KLHL7: variants seen among roughly 807,000 people sequenced by gnomAD.
The protein encoded by KLHL7 is kelch like family member 7.
In KLHL7, 44 loss-of-function variants were observed where a neutral mutation model predicts 67.4. The observed-to-expected ratio is 0.65, with a 90% CI of 0.51 to 0.84. KLHL7 has a LOEUF of 0.84. KLHL7 is among the 40% of genes least tolerant of loss of function. The pLI, the probability that KLHL7 is intolerant of heterozygous loss-of-function variation, is 0.00. For missense variants in KLHL7, 362 were observed against 718.1 expected (o/e 0.50, Z 5.67); for synonymous variants, 252 against 243.3 (o/e 1.04, Z -0.33).
At position 23,125,176 on chromosome 7, in the gene KLHL7, A is replaced by G; in HGVS notation, c.442+4A>G. 6.2e-7 allele frequency: 1 copy of G among 1,612,846 alleles called. No individual in the cohort carries two copies. The highest frequency in any genetic ancestry group is 8.5e-7 in the Non-Finnish European group (1 of 1,179,192). On this transcript the variant is annotated splice_donor_region_variant and intron_variant, in intron 4 of 10. Coordinates refer to ENST00000339077, the MANE Select transcript of KLHL7 (RefSeq NM_001031710.3). Reference sequence around the variant, plus strand: ...GTTGATGCTTCAAATTGTCTTGGTAAGAAATATCAGATTCCTGTTGTGTGT... The same window carrying G: ...GTTGATGCTTCAAATTGTCTTGGTAGGAAATATCAGATTCCTGTTGTGTGT...
chr7:23,111,166 C>T (rs746333637), intron 1 of KLHL7, among the ~76,000 whole-genome samples: 2 of 152,078 alleles, frequency 1.3e-5, no homozygotes, highest in Non-Finnish European at 2.9e-5. Flanking sequence ...ATTTGACCAT[C>T]AGGAAGTTTT....
At chr7:23,141,160 C>T (rs1479779820) in intron 5 of KLHL7, among the ~76,000 whole-genome samples, 1 of 152,158 alleles carries the variant, frequency 6.6e-6, no homozygotes, top group Non-Finnish European at 1.5e-5. Context: ...CCATGGTAGG[C>T]AGAACAATGC....
At chr7:23,115,627 T>G (rs1273231945) in intron 1 of KLHL7, among the ~76,000 whole-genome samples, 1 of 151,946 alleles carries the variant, frequency 6.6e-6, no homozygotes, top group Non-Finnish European at 1.5e-5. Context: ...CCCTGCAACC[T>G]CTGCCTCCCA....
chr7:23,125,729 C>T, intron 4 of KLHL7: 1 of 1,461,122 alleles, frequency 6.8e-7, no homozygotes, highest in Admixed American at 2.6e-5. Context: ...CATTTTGAAG[C>T]TATTAATAAA....
At chr7:23,158,643 A>G (rs1256739335) in intron 7 of KLHL7, among the ~76,000 whole-genome samples, 5 of 152,176 alleles carry the variant, frequency 3.3e-5, no homozygotes, top group Non-Finnish European at 7.3e-5. Flanking sequence ...GCATATATTC[A>G]TGGTTCATAT....
chr7:23,156,472 G>T (rs531191172), intron 7 of KLHL7, among the ~76,000 whole-genome samples: 2 of 152,292 alleles, frequency 1.3e-5, no homozygotes, highest in East Asian at 3.9e-4. Context: ...ACATGGTAAT[G>T]TCTTACGATA....
intron 9 of KLHL7, among the ~76,000 whole-genome samples, chr7:23,170,985 G>A (rs1371482246): frequency 6.9e-6 from 1 of 144,010 alleles, no homozygotes; most frequent in African/African-American, 2.6e-5. Context: ...TCAGCTCACT[G>A]CAACTTCTGC....
chr7:23,157,269 G>A (rs552853906), intron 7 of KLHL7, among the ~76,000 whole-genome samples: 10 of 152,338 alleles, frequency 6.6e-5, no homozygotes, highest in African/African-American at 2.4e-4. Flanking sequence ...CTGCTACAAT[G>A]ATCAGAAGCA....
Position 23,105,905 on chromosome 7 carries a change from G to C in KLHL7, c.-122G>C. On this transcript the variant is annotated 5_prime_UTR_variant, in exon 1 of 11. Transcript: ENST00000339077. ...ACCGCCGCCTGCCGCGCGTTCCAGA[G>C]CTGGGCGCTGCAGCTGCACTGCCGA... 6.9e-7 allele frequency: 1 copy of C among 1,457,486 alleles called. No homozygotes were observed. Among genetic ancestry groups the C allele is most frequent in the Non-Finnish European group, 9.3e-7 (1 of 1,077,028 alleles). The allele number at this position is 1,457,486 out of a possible 1,614,324, so 90.3% of individuals were successfully genotyped here. A position where few individuals can be genotyped will look rare whatever the true frequency, so the allele number is the denominator to read the frequency against.
At chr7:23,134,702 T>A (rs1431768001) in intron 4 of KLHL7, among the ~76,000 whole-genome samples, 1 of 152,176 alleles carries the variant, frequency 6.6e-6, no homozygotes, top group East Asian at 1.9e-4. Context: ...TATCTAGAAA[T>A]TTGCTCATTC....
rs1372238154 is a variant in KLHL7, at chr7:23,131,125, G to C, written c.442+5953G>C. ...CGAATCATTTTAGATTTCTTAGTGG[G>C]GCAACAAGGATGCATGCTTATGTAC... On this transcript the variant is annotated intron_variant, in intron 4 of 10. Transcript: ENST00000339077. Among the ~76,000 whole-genome samples, 5 of 152,082 alleles carry C rather than the reference G, an allele frequency of 3.3e-5. No individual in the cohort carries two copies. The East Asian group carries it at 9.6e-4, about 29-fold the overall frequency.
chr7:23,114,478 G>A (rs1332995844), intron 1 of KLHL7, among the ~76,000 whole-genome samples: 1 of 152,092 alleles, frequency 6.6e-6, no homozygotes, highest in East Asian at 1.9e-4. Flanking sequence ...AATCTCAGTG[G>A]GCTGAATGAT....
intron 6 of KLHL7, among the ~76,000 whole-genome samples, chr7:23,148,800 C>T (rs1479540679): frequency 6.6e-6 from 1 of 152,232 alleles, no homozygotes; most frequent in Non-Finnish European, 1.5e-5. Flanking sequence ...GAGGATTAGA[C>T]ACTTGAGCAG....
At chr7:23,171,185 G>GA (rs1409285570) in intron 9 of KLHL7, 8 of 358,402 alleles carry the variant, frequency 2.2e-5, no homozygotes, top group Admixed American at 9.2e-5. Context: ...GATTACAGGC[G>GA]AAAAAACGCT....
At position 23,124,506 on chromosome 7, in the gene KLHL7, C is replaced by T. The variant is rs567897101; in HGVS notation, c.224-182C>T. On this transcript the variant is annotated intron_variant, in intron 2 of 10. Transcript: ENST00000339077. ...TCTTTTCTTAGCTTAATTTAAGGCACATCTTGGGTGGAGAATTAATTTGCA... is the reference window on the plus strand; with the variant it reads ...TCTTTTCTTAGCTTAATTTAAGGCATATCTTGGGTGGAGAATTAATTTGCA... Among the ~76,000 whole-genome samples the T allele has an allele frequency of 5.9e-5, 9 of 152,292 alleles. No individual in the cohort carries two copies. In the East Asian group the frequency reaches 1.5e-3, roughly 26 times the overall value.
chr7:23,106,438 C>T (rs1172024327), intron 1 of KLHL7: 2 of 1,254,892 alleles, frequency 1.6e-6, no homozygotes, highest in Non-Finnish European at 2.0e-6. Flanking sequence ...CAGCTCTGCC[C>T]TAGTTATCTC....
At chr7:23,155,449 G>C (rs1784672094) in intron 7 of KLHL7, among the ~76,000 whole-genome samples, 1 of 152,086 alleles carries the variant, frequency 6.6e-6, no homozygotes, top group South Asian at 2.1e-4. Context: ...GATCACCTGA[G>C]GTCAGGAGTT....
At chr7:23,109,686 T>A (rs915501153) in intron 1 of KLHL7, among the ~76,000 whole-genome samples, 3 of 152,214 alleles carry the variant, frequency 2.0e-5, no homozygotes, top group African/African-American at 7.2e-5. Context: ...CATGTCATTA[T>A]CTTTAGGTTC....
chr7:23,136,674 A>G (rs1783986775), intron 4 of KLHL7, among the ~76,000 whole-genome samples: 1 of 152,248 alleles, frequency 6.6e-6, no homozygotes, highest in East Asian at 1.9e-4. Flanking sequence ...CAGTAAAACT[A>G]AAAATTAACT....
Sources: gnomAD v4.1 joint callset for allele counts (sites outside exome capture counted in the v4.1 genomes callset) on GRCh38, gnomAD v4.1.1 for gene constraint, MANE v1.5 for transcripts, NCBI Gene and HGNC (gene_info 2026-07-23, HGNC 2026-07-21) for gene names.